The following DTNA variants were observed in gnomAD, a reference collection of about 807,000 sequenced individuals.
DTNA encodes dystrobrevin alpha.
DTNA carries 43 observed loss-of-function variants against 100.7 expected under a neutral mutation model. The ratio of observed to expected loss-of-function variants is 0.43; its 90% CI spans 0.33 to 0.55. The LOEUF is 0.55. Among genes scored for constraint, DTNA ranks in the 20% least tolerant of loss-of-function variants. DTNA has a pLI of 0.04. For synonymous variants in DTNA, 349 were observed against 347.9 expected (o/e 1.00, Z -0.04); for missense variants, 798 against 953.9 (o/e 0.84, Z 2.15).
At position 34,765,985 on chromosome 18, in the gene DTNA, G is replaced by A. The variant is rs202046233; in HGVS notation, c.92G>A (p.Arg31Gln). Residue 31 changes from arginine (R) to glutamine (Q), a missense_variant, in exon 3 of 23, where the codon CGA (arginine) becomes CAA (glutamine). By Grantham distance (43) the Arg-to-Gln change is conservative (BLOSUM62 1). Around this residue, in one of 6 missense-constraint regions of DTNA, gnomAD observed 197 missense variants for 215.4 expected, o/e 0.91. Coordinates refer to ENST00000444659, the MANE Select transcript of DTNA (RefSeq NM_001386795.1). ...EMRAQDLDRI[R>Q]LSTYRTACKL... ...GGGGCTCAAGATCTGGATCGCATCCGACTCTCCACCTACAGAACAGCATGC... is the reference window on the plus strand; with the variant it reads ...GGGGCTCAAGATCTGGATCGCATCCAACTCTCCACCTACAGAACAGCATGC... 2.5e-4 allele frequency: 396 copies of A among 1,613,752 alleles called. 1 individual carries two copies. Among genetic ancestry groups the A allele is most frequent in the Non-Finnish European group, 4.3e-5 (51 of 1,179,760 alleles).
At chr18:34,875,880 G>T (rs1280610653) in intron 18 of DTNA, among the ~76,000 whole-genome samples, 1 of 152,216 alleles carries the variant, frequency 6.6e-6, no homozygotes, top group East Asian at 1.9e-4. Context: ...GTAAGGCAGG[G>T]CTACAGGGTT....
intron 1 of DTNA, among the ~76,000 whole-genome samples, chr18:34,581,669 G>A (rs2048659784): frequency 7.1e-6 from 1 of 141,744 alleles, no homozygotes; most frequent in South Asian, 2.2e-4. Context: ...TCACCAGGCT[G>A]GCGTGCAGTG....
At chr18:34,522,876 C>T (rs1313524320) in intron 1 of DTNA, among the ~76,000 whole-genome samples, 5 of 152,154 alleles carry the variant, frequency 3.3e-5, no homozygotes, top group Non-Finnish European at 4.4e-5. Flanking sequence ...CAGCAGAGCA[C>T]GCATGTCTGT....
intron 1 of DTNA, among the ~76,000 whole-genome samples, chr18:34,526,585 C>T (rs1273414978): frequency 6.6e-6 from 1 of 152,012 alleles, no homozygotes; most frequent in Non-Finnish European, 1.5e-5. Context: ...CAGAAAACGG[C>T]CGTGTCCCTA....
At chr18:34,851,544 C>T (rs1238797622) in intron 14 of DTNA, among the ~76,000 whole-genome samples, 1 of 152,188 alleles carries the variant, frequency 6.6e-6, no homozygotes, top group African/African-American at 2.4e-5. Context: ...AATAAAATCA[C>T]TTCCCAAAGA....
intron 1 of DTNA, among the ~76,000 whole-genome samples, chr18:34,532,158 T>A (rs2043199835): frequency 6.6e-6 from 1 of 152,070 alleles, no homozygotes; most frequent in Non-Finnish European, 1.5e-5. Context: ...GAGAGAAAGA[T>A]GTATGCATAG....
At chr18:34,723,191 C>G (rs2085758892) in intron 1 of DTNA, among the ~76,000 whole-genome samples, 1 of 152,134 alleles carries the variant, frequency 6.6e-6, no homozygotes, top group African/African-American at 2.4e-5. Context: ...AACCAAACTT[C>G]AGGTTAAATG....
In DTNA at chr18:34,888,589, A is replaced by G. The variant is rs1388665041; in HGVS notation, c.*855A>G. 3.0e-6 allele frequency: 3 copies of G among 985,732 alleles called. No individual in the cohort carries two copies. The highest frequency in any genetic ancestry group is 3.6e-6 in the Non-Finnish European group (3 of 829,908). 61.1% of individuals were successfully genotyped at this position (985,732 alleles called of 1,614,324 possible). ...GCAGCATTCAAATTATATAGAATCT[A>G]GTTTTTAAAATCAGCACAGATCTTC... On this transcript the variant is annotated 3_prime_UTR_variant, in exon 23 of 23. Coordinates refer to ENST00000444659, the MANE Select transcript of DTNA (RefSeq NM_001386795.1).
chr18:34,515,211 T>C (rs1374433951), intron 1 of DTNA, among the ~76,000 whole-genome samples: 1 of 152,096 alleles, frequency 6.6e-6, no homozygotes, highest in Non-Finnish European at 1.5e-5. Flanking sequence ...TCACTGGTTT[T>C]GTTTGGCTTG....
At chr18:34,822,035 T>C (rs952623122) in intron 9 of DTNA, among the ~76,000 whole-genome samples, 1 of 152,190 alleles carries the variant, frequency 6.6e-6, no homozygotes, top group African/African-American at 2.4e-5. Flanking sequence ...CTCTGAGGCA[T>C]CTCTGACCTC....
chr18:34,668,142 G>A (rs1055277380), intron 1 of DTNA, among the ~76,000 whole-genome samples: 28 of 152,234 alleles, frequency 1.8e-4, no homozygotes, highest in African/African-American at 6.5e-4. Flanking sequence ...CTTCTTCCTG[G>A]TTTAGTCTTG....
intron 1 of DTNA, among the ~76,000 whole-genome samples, chr18:34,700,031 T>C (rs929369027): frequency 7.2e-5 from 11 of 152,194 alleles, no homozygotes; most frequent in Non-Finnish European, 1.3e-4. Context: ...ATCTATGCAG[T>C]GATGAAGAAA....
At chr18:34,773,003 CT>C in intron 3 of DTNA, among the ~76,000 whole-genome samples, 1 of 152,344 alleles carries the variant, frequency 6.6e-6, no homozygotes, top group East Asian at 1.9e-4. Context: ...CTCCCTTATT[CT>C]TTGCCTCATG....
intron 1 of DTNA, among the ~76,000 whole-genome samples, chr18:34,697,573 G>A (rs555741586): frequency 6.6e-6 from 1 of 152,148 alleles, no homozygotes; most frequent in Non-Finnish European, 1.5e-5. Context: ...TCCTGAAAAG[G>A]GAAATTTCAT....
intron 13 of DTNA, among the ~76,000 whole-genome samples, chr18:34,841,703 A>C (rs1037233903): frequency 1.3e-5 from 2 of 152,180 alleles, no homozygotes; most frequent in East Asian, 3.8e-4. Context: ...CCAAAGTCAC[A>C]TGCTAGTAAG....
chr18:34,535,801 G>A (rs558554636), intron 1 of DTNA, among the ~76,000 whole-genome samples: 3 of 152,178 alleles, frequency 2.0e-5, no homozygotes, highest in South Asian at 4.1e-4. Context: ...TCAGATGGTT[G>A]TGGAGACATC....
chr18:34,801,554 A>G (rs1254562185), intron 4 of DTNA, among the ~76,000 whole-genome samples: 8 of 150,290 alleles, frequency 5.3e-5, no homozygotes, highest in Non-Finnish European at 1.2e-4. Flanking sequence ...CTCTGTCAAC[A>G]GGCTGGAGTG....
rs141507394 is a variant in DTNA at position 34,859,624 on chromosome 18, T to C, written c.1646+1226T>C. Among the ~76,000 whole-genome samples the C allele has an allele frequency of 2.0e-3, 300 of 152,204 alleles. 1 individual carries two copies. Among genetic ancestry groups the C allele is most frequent in the African/African-American group, 6.7e-3 (277 of 41,504 alleles). ...CATCTGCCTCACCATACAAAGGGAG[T>C]AGCCTCGGATCCTTTTGTTACTTGG... On this transcript the variant is annotated intron_variant, in intron 16 of 22. Transcript: ENST00000444659.
chr18:34,742,966 C>G lies in DTNA; in HGVS notation c.-1-13010C>G, dbSNP rs1483344703. ...GAAGACTGAAAAAGAAGGCGCCTTC[C>G]CACCAGCTATTCTTCCTCACTCAAA... On this transcript the variant is annotated intron_variant, in intron 1 of 22. Coordinates refer to ENST00000444659, the MANE Select transcript of DTNA (RefSeq NM_001386795.1). 2.0e-5 allele frequency among the ~76,000 whole-genome samples: 3 copies of G among 152,070 alleles called. No homozygotes were observed. The South Asian group carries it at 6.2e-4, about 32-fold the overall frequency.
Sources: gnomAD v4.1 joint callset for allele counts (sites outside exome capture counted in the v4.1 genomes callset) on GRCh38, gnomAD v4.1.1 for gene constraint, gnomAD v4.1.1 regional missense constraint, MANE v1.5 for transcripts, NCBI Gene and HGNC (gene_info 2026-07-23, HGNC 2026-07-21) for gene names.